Variants in PEX5L observed in about 807,000 individuals in gnomAD.
PEX5L encodes the protein PEX5-related protein.
A neutral mutation model predicts 84.0 loss-of-function variants in PEX5L; 30 were observed. That is an observed-to-expected ratio of 0.36 (90% confidence interval 0.27 to 0.48). The LOEUF is 0.48. PEX5L is among the 20% of genes least tolerant of loss of function. PEX5L has a pLI of 0.99. For missense variants in PEX5L, 533 were observed against 754.6 expected (o/e 0.71, Z 3.44); for synonymous variants, 270 against 283.1 (o/e 0.95, Z 0.46).
intron 1 of PEX5L, among the ~76,000 whole-genome samples, chr3:180,006,443 A>C (rs1305661599): frequency 4.6e-5 from 7 of 152,254 alleles, no homozygotes; most frequent in Admixed American, 4.6e-4. Context: ...TAATCTGTGG[A>C]AGAGAAACAT....
intron 8 of PEX5L, among the ~76,000 whole-genome samples, chr3:179,827,084 G>A (rs1048136812): frequency 6.6e-6 from 1 of 152,168 alleles, no homozygotes; most frequent in Non-Finnish European, 1.5e-5. Context: ...TTCTTTGACA[G>A]TCGATTGCTT....
chr3:180,011,410 T>C (rs984901799), intron 1 of PEX5L, among the ~76,000 whole-genome samples: 1 of 152,198 alleles, frequency 6.6e-6, no homozygotes, highest in African/African-American at 2.4e-5. Flanking sequence ...CAAGCCACTG[T>C]ATATCGTAAG....
At chr3:179,858,772 T>G (rs1265013729) in intron 8 of PEX5L, among the ~76,000 whole-genome samples, 3 of 152,184 alleles carry the variant, frequency 2.0e-5, no homozygotes, top group Non-Finnish European at 2.9e-5. Context: ...TAGACTAGAC[T>G]CAGAGTTCTT....
chr3:179,983,906 T>C (rs966431901), intron 1 of PEX5L, among the ~76,000 whole-genome samples: 4 of 152,052 alleles, frequency 2.6e-5, no homozygotes, highest in African/African-American at 9.7e-5. Context: ...TATGACAACA[T>C]TGGAAGATAT....
At chr3:179,840,183 GTT>G (rs71182521) in intron 8 of PEX5L, among the ~76,000 whole-genome samples, 26 of 78,704 alleles carry the variant, frequency 3.3e-4, no homozygotes, top group African/African-American at 1.2e-3. Context: ...GTGTGTGTGT[GTT>G]TTTTTTTTTT....
chr3:179,836,197 A>G (rs1299667398), intron 8 of PEX5L, among the ~76,000 whole-genome samples: 2 of 152,166 alleles, frequency 1.3e-5, no homozygotes, highest in African/African-American at 2.4e-5. Context: ...TTTCTCATCT[A>G]TAAAAAGGAG....
At chr3:179,838,408 G>C (rs968479208) in intron 8 of PEX5L, among the ~76,000 whole-genome samples, 2 of 152,184 alleles carry the variant, frequency 1.3e-5, no homozygotes, top group Non-Finnish European at 2.9e-5. Context: ...AGTATTAAAA[G>C]TAATGGTGAC....
Position 179,800,285 on chromosome 3 carries a change from G to A in PEX5L, c.*1543C>T, listed in dbSNP as rs1718481620. 6.6e-6 allele frequency: 1 copy of A among 152,134 alleles called. No individual in the cohort carries two copies. Among genetic ancestry groups the A allele is most frequent in the African/African-American group, 2.4e-5 (1 of 41,504 alleles). 9.4% of individuals were successfully genotyped at this position (152,134 alleles called of 1,614,324 possible). On this transcript the variant is annotated 3_prime_UTR_variant, in exon 15 of 15. Coordinates refer to ENST00000467460, the MANE Select transcript of PEX5L (RefSeq NM_016559.3). Reference sequence around the variant, plus strand: ...TTGTTGTTGTTGTTTTATTTTTTGTGGGTAGCTATAATCATGAGCGGGATG... The same window carrying A: ...TTGTTGTTGTTGTTTTATTTTTTGTAGGTAGCTATAATCATGAGCGGGATG...
chr3:179,849,126 A>G (rs985258023), intron 8 of PEX5L, among the ~76,000 whole-genome samples: 1 of 152,204 alleles, frequency 6.6e-6, no homozygotes, highest in Admixed American at 6.5e-5. Context: ...TATAGCTACT[A>G]GTGTTACCCT....
intron 8 of PEX5L, among the ~76,000 whole-genome samples, chr3:179,834,338 G>A (rs527837131): frequency 6.6e-6 from 1 of 152,350 alleles, no homozygotes; most frequent in African/African-American, 2.4e-5. Flanking sequence ...GAGGATTGGT[G>A]ACAGTCTCAC....
At chr3:179,955,929 T>C (rs972310888) in intron 2 of PEX5L, among the ~76,000 whole-genome samples, 2 of 152,192 alleles carry the variant, frequency 1.3e-5, no homozygotes, top group Non-Finnish European at 2.9e-5. Context: ...TTCATTTTTC[T>C]ACAGGGGATT....
chr3:179,918,822 A>G (rs1220343806), intron 2 of PEX5L, among the ~76,000 whole-genome samples: 1 of 152,228 alleles, frequency 6.6e-6, no homozygotes, highest in Non-Finnish European at 1.5e-5. Context: ...TTTCAATGGT[A>G]TAAGTGCTAT....
At position 180,024,384 on chromosome 3, in the gene PEX5L, A is replaced by C. The variant is rs1283009630; in HGVS notation, c.21+12195T>G. On this transcript the variant is annotated intron_variant, in intron 1 of 14. Transcript: ENST00000467460. ...TATATATATATATATACACACACAAAAAAAAAAAAAATTAGCCGTGCGTGG... is the reference window on the plus strand; with the variant it reads ...TATATATATATATATACACACACAACAAAAAAAAAAATTAGCCGTGCGTGG... Among the ~76,000 whole-genome samples, 72 of 128,348 alleles carry C rather than the reference A, an allele frequency of 5.6e-4. 3 individuals are homozygous for C. The Middle Eastern group carries it at 0.011, about 19-fold the overall frequency. 84.2% of individuals were successfully genotyped at this position (128,348 alleles called of 152,430 possible). A position where few individuals can be genotyped will look rare whatever the true frequency, so the allele number is the denominator to read the frequency against.
intron 2 of PEX5L, among the ~76,000 whole-genome samples, chr3:179,920,153 C>G (rs934947876): frequency 6.6e-6 from 1 of 152,174 alleles, no homozygotes; most frequent in Non-Finnish European, 1.5e-5. Flanking sequence ...GAGGCAAAAC[C>G]AAGTGGAGTG....
chr3:179,824,592 G>A (rs1016947045), intron 8 of PEX5L, among the ~76,000 whole-genome samples: 2 of 151,408 alleles, frequency 1.3e-5, no homozygotes, highest in Admixed American at 6.6e-5. Context: ...TGTAATCCCA[G>A]CTACTCGGGA....
chr3:179,895,051 T>G (rs1009762276), intron 3 of PEX5L, among the ~76,000 whole-genome samples: 1 of 152,138 alleles, frequency 6.6e-6, no homozygotes, highest in Non-Finnish European at 1.5e-5. Flanking sequence ...CCCTTTAGAA[T>G]AGAATATTCT....
At chr3:180,000,978 T>C (rs555844084) in intron 1 of PEX5L, among the ~76,000 whole-genome samples, 3 of 152,260 alleles carry the variant, frequency 2.0e-5, no homozygotes, top group Non-Finnish European at 2.9e-5. Flanking sequence ...ATGCAAAGTA[T>C]TGATCCTGGG....
chr3:179,923,278 G>A (rs1770301362), intron 2 of PEX5L, among the ~76,000 whole-genome samples: 2 of 111,152 alleles, frequency 1.8e-5, no homozygotes, highest in Admixed American at 1.1e-4. Flanking sequence ...GCGACAGAGC[G>A]AGACTCCATC....
chr3:179,866,163 A>G (rs1484169469), intron 7 of PEX5L, among the ~76,000 whole-genome samples: 1 of 152,182 alleles, frequency 6.6e-6, no homozygotes, highest in Non-Finnish European at 1.5e-5. Flanking sequence ...ACAGATTTTT[A>G]AAAGGAATGT....
Sources: allele counts gnomAD v4.1 joint callset (sites outside exome capture counted in the v4.1 genomes callset), GRCh38; gene constraint gnomAD v4.1.1; transcripts MANE v1.5; gene names NCBI Gene and HGNC (gene_info 2026-07-23, HGNC 2026-07-21).